ADD2: variants seen among roughly 807,000 people sequenced by gnomAD.
ADD2 encodes the protein beta-adducin.
In ADD2, 23 loss-of-function variants were observed where a neutral mutation model predicts 83.0. The observed-to-expected ratio is 0.28, with a 90% CI of 0.20 to 0.39. ADD2 has a LOEUF of 0.39. Ranked by LOEUF, ADD2 falls within the 10% of genes least tolerant of loss-of-function variation. The pLI, the probability that ADD2 is intolerant of heterozygous loss-of-function variation, is 1.00. For synonymous variants in ADD2, 375 were observed against 375.4 expected (o/e 1.00, Z 0.01); for missense variants, 758 against 944.9 (o/e 0.80, Z 2.59).
At chr2:70,664,385 C>T (rs891528928) in intron 15 of ADD2, among the ~76,000 whole-genome samples, 7 of 152,132 alleles carry the variant, frequency 4.6e-5, no homozygotes, top group Non-Finnish European at 4.4e-5. Context: ...GTCGGGATCG[C>T]GGGAATGTTC....
chr2:70,694,085 G>A (rs1671188822), intron 6 of ADD2, among the ~76,000 whole-genome samples: 1 of 152,116 alleles, frequency 6.6e-6, no homozygotes, highest in Non-Finnish European at 1.5e-5. Flanking sequence ...TGCACAAACT[G>A]CACAACCACA....
intron 15 of ADD2, among the ~76,000 whole-genome samples, chr2:70,668,061 G>C (rs782748528): frequency 2.6e-5 from 4 of 152,098 alleles, no homozygotes; most frequent in African/African-American, 9.7e-5. Context: ...CTTGAGCCGC[G>C]ACACCCATCT....
intron 4 of ADD2, among the ~76,000 whole-genome samples, chr2:70,696,721 C>T (rs556441297): frequency 2.6e-5 from 4 of 152,252 alleles, no homozygotes; most frequent in South Asian, 2.1e-4. Flanking sequence ...TGAATCAAAG[C>T]AAGAATAAAC....
At chr2:70,700,024 G>A (rs4852223) in intron 4 of ADD2, among the ~76,000 whole-genome samples, 46,798 of 151,938 alleles carry the variant, frequency 0.31, 7,880 homozygotes, top group African/African-American at 0.45. Flanking sequence ...TGCTTATGCC[G>A]TGAATATTTC....
At chr2:70,704,974 A>T (rs3771460) in intron 3 of ADD2, among the ~76,000 whole-genome samples, 46,305 of 152,016 alleles carry the variant, frequency 0.3, 7,416 homozygotes, top group East Asian at 0.44. Context: ...TTTTCAGACC[A>T]TGAAGCCATA....
At chr2:70,767,760 C>T in intron 1 of ADD2, 126 bp downstream of exon 1, 2 of 1,454,384 alleles carry the variant, frequency 1.4e-6, no homozygotes, top group Non-Finnish European at 1.8e-6. Flanking sequence ...AGCACCGACG[C>T]GCTCGGCAAC....
chr2:70,703,606 C>T (rs1671727046), intron 4 of ADD2, among the ~76,000 whole-genome samples: 1 of 152,094 alleles, frequency 6.6e-6, no homozygotes, highest in Non-Finnish European at 1.5e-5. Flanking sequence ...ATGTTTATTG[C>T]ATTGTTCCTA....
chr2:70,664,344 GC>G (rs1284482955), intron 15 of ADD2, among the ~76,000 whole-genome samples: 1 of 152,126 alleles, frequency 6.6e-6, no homozygotes, highest in Non-Finnish European at 1.5e-5. Context: ...AGCCACTGGG[GC>G]CCCCAGGTCT....
intron 1 of ADD2, among the ~76,000 whole-genome samples, chr2:70,753,950 C>T (rs1216655615): frequency 6.6e-6 from 1 of 152,040 alleles, no homozygotes; most frequent in Non-Finnish European, 1.5e-5. Context: ...TAAAGGTCAC[C>T]GTCAGCAGAA....
chr2:70,733,481 G>A (rs1054164422), intron 1 of ADD2, among the ~76,000 whole-genome samples: 14 of 152,234 alleles, frequency 9.2e-5, no homozygotes, highest in Non-Finnish European at 2.9e-5. Flanking sequence ...TCAGACAAGT[G>A]CAGGTTTGAG....
At position 70,676,741 on chromosome 2, in the gene ADD2, A is replaced by T; in HGVS notation, c.1593+55T>A. 2 of 1,612,376 alleles carry T rather than the reference A, an allele frequency of 1.2e-6. No individual in the cohort carries two copies. The highest frequency in any genetic ancestry group is 1.7e-6 in the Non-Finnish European group (2 of 1,179,206). ...TCCTGCAACCCAGCCCCAGGCACAGAAGACCCCGAAGGCAAACACGTTTCC... is the reference window on the plus strand; with the variant it reads ...TCCTGCAACCCAGCCCCAGGCACAGTAGACCCCGAAGGCAAACACGTTTCC... On this transcript the variant is annotated intron_variant, in intron 13 of 15. Coordinates refer to ENST00000264436, the MANE Select transcript of ADD2 (RefSeq NM_001617.4). This position sits in a 1 kb window ranked among gnomAD's most constrained non-coding sequence, Gnocchi z 4.8.
chr2:70,727,711 A>C (rs1190885618), intron 1 of ADD2, among the ~76,000 whole-genome samples: 1 of 152,046 alleles, frequency 6.6e-6, no homozygotes, highest in Non-Finnish European at 1.5e-5. Flanking sequence ...CCTGGCCAAC[A>C]TGGTGAAACC....
chr2:70,754,921 A>G (rs141183397), intron 1 of ADD2, among the ~76,000 whole-genome samples: 30 of 149,940 alleles, frequency 2.0e-4, no homozygotes, highest in Non-Finnish European at 2.7e-4. Flanking sequence ...TACTTTTCCC[A>G]TCTCTTCTCA....
Position 70,667,721 on chromosome 2 carries a change from T to C in ADD2, c.1871-3986A>G, listed in dbSNP as rs538383727. 2.0e-5 allele frequency among the ~76,000 whole-genome samples: 3 copies of C among 147,934 alleles called. No homozygotes were observed. The East Asian group carries it at 6.0e-4, about 30-fold the overall frequency. On this transcript the variant is annotated intron_variant, in intron 15 of 15. Coordinates refer to ENST00000264436, the MANE Select transcript of ADD2 (RefSeq NM_001617.4). Reference sequence around the variant, plus strand: ...GCAACCTCTGCCTCCCGGGTTCAAGTGATTGTCCTGCCTCAGCCTCCCGAG... The same window carrying C: ...GCAACCTCTGCCTCCCGGGTTCAAGCGATTGTCCTGCCTCAGCCTCCCGAG...
At chr2:70,763,494 T>C (rs1287091766) in intron 1 of ADD2, among the ~76,000 whole-genome samples, 1 of 151,972 alleles carries the variant, frequency 6.6e-6, no homozygotes. Flanking sequence ...AGAAAAAATT[T>C]CTCATGACCT....
intron 10 of ADD2, among the ~76,000 whole-genome samples, chr2:70,681,535 C>T (rs941915275): frequency 2.6e-5 from 4 of 152,222 alleles, no homozygotes; most frequent in Admixed American, 2.0e-4. Context: ...TCCTGCATGG[C>T]ATGGCCAGCC....
At chr2:70,680,224 T>G (rs1670387913) in intron 10 of ADD2, among the ~76,000 whole-genome samples, 1 of 152,192 alleles carries the variant, frequency 6.6e-6, no homozygotes, top group South Asian at 2.1e-4. Context: ...GGAATTTATC[T>G]TGTTGAAATA....
In ADD2 at chr2:70,676,261, A is replaced by G. The variant is rs1670132458; in HGVS notation, c.1593+535T>C. 1.0e-6 allele frequency: 1 copy of G among 990,418 alleles called. No individual in the cohort carries two copies. Among genetic ancestry groups the G allele is most frequent in the Non-Finnish European group, 1.2e-6 (1 of 833,506 alleles). The allele number at this position is 990,418 out of a possible 1,614,324, so 61.4% of individuals were successfully genotyped here. On this transcript the variant is annotated intron_variant, in intron 13 of 15. Coordinates refer to ENST00000264436, the MANE Select transcript of ADD2 (RefSeq NM_001617.4). The surrounding 1 kb of genome is among the most constrained non-coding windows in gnomAD (Gnocchi z 4.8). ...TATCTCAAGCACAAAAACAATTACA[A>G]TACTTTCTAACTCAATGTGGGTTTG...
intron 1 of ADD2, among the ~76,000 whole-genome samples, chr2:70,738,376 C>A (rs781961826): frequency 6.6e-6 from 1 of 152,256 alleles, no homozygotes; most frequent in South Asian, 2.1e-4. Flanking sequence ...ATTTACTCAT[C>A]GAGATCTATG....
Sources: allele counts gnomAD v4.1 joint callset (sites outside exome capture counted in the v4.1 genomes callset), GRCh38; gene constraint gnomAD v4.1.1; non-coding constraint Gnocchi (gnomAD v3.1); transcripts MANE v1.5; gene names NCBI Gene and HGNC (gene_info 2026-07-23, HGNC 2026-07-21).